Variants in ZNF804B observed in about 807,000 individuals in gnomAD.
ZNF804B encodes the protein zinc finger 804B.
Under a neutral mutation model 101.4 loss-of-function variants are expected in ZNF804B, and 80 were observed. The observed-to-expected ratio is 0.79, with a 90% confidence interval of 0.66 to 0.95. The LOEUF (loss-of-function observed/expected upper bound fraction) is 0.95, where lower values mean the gene tolerates loss of function less well. ZNF804B is among the 40% of genes least tolerant of loss of function. The probability of loss-of-function intolerance (pLI) is 0.00; values close to 1 mark genes in which losing one functional copy is unlikely to be tolerated. For synonymous variants in ZNF804B, 622 were observed against 558.8 expected, an observed-to-expected ratio of 1.11 and a Z score of -1.59; for missense variants, 1,673 against 1,561.9, an observed-to-expected ratio of 1.07 and a Z score of -1.20.
intron 2 of ZNF804B, among the ~76,000 whole-genome samples, chr7:89,253,996 C>T (rs1789584089): frequency 6.6e-6 from 1 of 152,044 alleles, no homozygotes; most frequent in Non-Finnish European, 1.5e-5. Flanking sequence ...ACTCCCCTAG[C>T]ATAGTAAATG....
intron 1 of ZNF804B, among the ~76,000 whole-genome samples, chr7:89,135,799 T>A (rs1790625783): frequency 6.7e-6 from 1 of 149,410 alleles, no homozygotes; most frequent in South Asian, 2.1e-4. Flanking sequence ...TATTCCTGTA[T>A]AACAGGAAAT....
chr7:88,867,448 A>G (rs1274216044), intron 1 of ZNF804B, among the ~76,000 whole-genome samples: 1 of 152,234 alleles, frequency 6.6e-6, no homozygotes, highest in African/African-American at 2.4e-5. Context: ...CCCAGATCCA[A>G]GAAAGAGTAA....
chr7:89,143,808 A>G (rs1363410147), intron 1 of ZNF804B, among the ~76,000 whole-genome samples: 1 of 152,016 alleles, frequency 6.6e-6, no homozygotes, highest in African/African-American at 2.4e-5. Flanking sequence ...TAGGTACAAA[A>G]ATGTTTAAAA....
intron 1 of ZNF804B, among the ~76,000 whole-genome samples, chr7:89,166,553 C>T (rs1217993409): frequency 3.3e-5 from 5 of 152,144 alleles, no homozygotes; most frequent in Non-Finnish European, 5.9e-5. Context: ...GCAACCACAG[C>T]TGCAGACTTT....
At chr7:89,163,666 C>CAAAA (rs34344086) in intron 1 of ZNF804B, among the ~76,000 whole-genome samples, 3 of 149,786 alleles carry the variant, frequency 2.0e-5, no homozygotes, top group African/African-American at 4.9e-5. Context: ...TCACTTTTAG[C>CAAAA]AAAAAAAAAT....
At chr7:88,804,637 C>T (rs931729059) in intron 1 of ZNF804B, among the ~76,000 whole-genome samples, 13 of 151,930 alleles carry the variant, frequency 8.6e-5, no homozygotes, top group African/African-American at 2.9e-4. Flanking sequence ...TGTGTAATAG[C>T]AAAGTTGCTT....
intron 1 of ZNF804B, among the ~76,000 whole-genome samples, chr7:88,874,232 A>C (rs932633307): frequency 6.6e-6 from 1 of 152,040 alleles, no homozygotes; most frequent in Admixed American, 6.6e-5. Flanking sequence ...CTTTGAAGCA[A>C]TTGTGAATGG....
chr7:89,144,636 A>C (rs1332695214), intron 1 of ZNF804B, among the ~76,000 whole-genome samples: 1 of 151,988 alleles, frequency 6.6e-6, no homozygotes, highest in African/African-American at 2.4e-5. Flanking sequence ...CTATTATGCA[A>C]CATGGTGACT....
chr7:89,248,962 GA>G (rs1367231085), intron 2 of ZNF804B, among the ~76,000 whole-genome samples: 1 of 133,800 alleles, frequency 7.5e-6, no homozygotes, highest in African/African-American at 2.8e-5. Context: ...CATAAGAACA[GA>G]ACACACAAAA....
intron 1 of ZNF804B, among the ~76,000 whole-genome samples, chr7:88,885,153 T>C (rs1272489896): frequency 1.3e-5 from 2 of 151,950 alleles, no homozygotes; most frequent in Non-Finnish European, 2.9e-5. Context: ...TAAAATTCAG[T>C]TTATGTACTA....
At chr7:88,882,889 A>C (rs1792064990) in intron 1 of ZNF804B, among the ~76,000 whole-genome samples, 1 of 152,076 alleles carries the variant, frequency 6.6e-6, no homozygotes, top group Non-Finnish European at 1.5e-5. Context: ...CAAGGGTTGA[A>C]AAATTACCTA....
At chr7:88,990,121 G>A (rs2214629) in intron 1 of ZNF804B, among the ~76,000 whole-genome samples, 88,436 of 151,402 alleles carry the variant, frequency 0.58, 26,148 homozygotes, top group Middle Eastern at 0.63. Context: ...ATGATACTAT[G>A]TATATAATTT....
chr7:89,104,928 C>G (rs1790112683), intron 1 of ZNF804B, among the ~76,000 whole-genome samples: 1 of 151,918 alleles, frequency 6.6e-6, no homozygotes, highest in South Asian at 2.1e-4. Flanking sequence ...CAAACATGTT[C>G]TTCTACTGTG....
chr7:88,763,789 A>G (rs952761489), intron 1 of ZNF804B, among the ~76,000 whole-genome samples: 18 of 152,120 alleles, frequency 1.2e-4, no homozygotes, highest in African/African-American at 4.1e-4. Flanking sequence ...ATAGATACAC[A>G]TTGCTATCTG....
intron 2 of ZNF804B, among the ~76,000 whole-genome samples, chr7:89,264,575 C>A (rs544302890): frequency 6.6e-6 from 1 of 152,266 alleles, no homozygotes; most frequent in East Asian, 1.9e-4. Flanking sequence ...TTGACTGTTT[C>A]TTCCCAATCT....
intron 1 of ZNF804B, among the ~76,000 whole-genome samples, chr7:89,113,310 C>T (rs1314706738): frequency 2.0e-5 from 3 of 152,052 alleles, no homozygotes; most frequent in African/African-American, 7.2e-5. Context: ...CAATGGCATG[C>T]AATTTACCCA....
chr7:89,105,639 C>T (rs1021392098), intron 1 of ZNF804B, among the ~76,000 whole-genome samples: 1 of 152,114 alleles, frequency 6.6e-6, no homozygotes, highest in Non-Finnish European at 1.5e-5. Context: ...ACACAGAAGA[C>T]TTATGTAACC....
intron 1 of ZNF804B, among the ~76,000 whole-genome samples, chr7:89,001,052 G>T (rs1788280025): frequency 6.8e-6 from 1 of 147,098 alleles, no homozygotes; most frequent in Admixed American, 6.9e-5. Flanking sequence ...TTATTCAGGG[G>T]TGGGGATGGG....
At chr7:89,034,402 C>T (rs919546308) in intron 1 of ZNF804B, among the ~76,000 whole-genome samples, 5 of 151,968 alleles carry the variant, frequency 3.3e-5, no homozygotes, top group Non-Finnish European at 5.9e-5. Context: ...CCTCCCCTAG[C>T]CCCCTACCCC....
Sources: allele counts gnomAD v4.1 joint callset (sites outside exome capture counted in the v4.1 genomes callset), GRCh38; gene constraint gnomAD v4.1.1; transcripts MANE v1.5; gene names NCBI Gene and HGNC (gene_info 2026-07-23, HGNC 2026-07-21).